Variants in PDE1A observed in about 807,000 individuals in gnomAD.
PDE1A encodes the protein dual specificity calcium/calmodulin-dependent 3',5'-cyclic nucleotide phosphodiesterase 1A.
Under a neutral mutation model 61.7 loss-of-function variants are expected in PDE1A, and 35 were observed. The ratio of observed to expected loss-of-function variants is 0.57; its 90% confidence interval spans 0.43 to 0.75. The LOEUF is 0.75. PDE1A is among the 30% of genes least tolerant of loss of function. The pLI is 0.00. For missense variants in PDE1A, 597 were observed against 630.6 expected (o/e 0.95, Z 0.57); for synonymous variants, 232 against 213.2 (o/e 1.09, Z -0.77).
At chr2:182,575,337 C>A in the PDE1A span, among the ~76,000 whole-genome samples, 1 of 151,946 alleles carries the variant, frequency 6.6e-6, no homozygotes, top group Non-Finnish European at 1.5e-5. Context: ...TACTGATAGT[C>A]TGGGTCAATC....
In PDE1A at chr2:182,486,242, A is replaced by C. The variant is rs1688015880; in HGVS notation, c.101+36034T>G. ...AGTGTAAAATTCTTAGCAATGGGTT[A>C]ATAAAAGAAGTGTAAAATTTGTACA... On this transcript the variant is annotated intron_variant, in intron 2 of 14. Coordinates refer to the PDE1A transcript ENST00000410103. Among the ~76,000 whole-genome samples the C allele has an allele frequency of 2.0e-5, 3 of 152,086 alleles. No individual in the cohort carries two copies. The South Asian group carries it at 6.2e-4, about 31-fold the overall frequency.
intron 1 of PDE1A, among the ~76,000 whole-genome samples, chr2:182,288,131 AT>A (rs1694288758): frequency 6.6e-6 from 1 of 152,184 alleles, no homozygotes; most frequent in Non-Finnish European, 1.5e-5. Context: ...CAAATGTGGA[AT>A]GAAGACTTCT....
At chr2:182,473,331 G>A (rs900996341) in intron 2 of PDE1A, among the ~76,000 whole-genome samples, 6 of 151,812 alleles carry the variant, frequency 4.0e-5, no homozygotes, top group Admixed American at 1.3e-4. Flanking sequence ...TACCATCAGA[G>A]TGAACAGGCA....
the PDE1A span, among the ~76,000 whole-genome samples, chr2:182,590,508 A>G: frequency 6.6e-6 from 1 of 152,170 alleles, no homozygotes; most frequent in African/African-American, 2.4e-5. Flanking sequence ...TATTAAAAAC[A>G]CTATAATGGT....
chr2:182,150,711 G>T (rs184637562), intron 13 of PDE1A, among the ~76,000 whole-genome samples: 1 of 152,288 alleles, frequency 6.6e-6, no homozygotes. Flanking sequence ...TCTTCAAGGA[G>T]CAGGGAGGGG....
the PDE1A span, among the ~76,000 whole-genome samples, chr2:182,645,972 A>G: frequency 6.6e-6 from 1 of 152,148 alleles, no homozygotes; most frequent in African/African-American, 2.4e-5. Flanking sequence ...TATCCTCCCC[A>G]TTTGGGGAAG....
At chr2:182,212,823 G>A (rs9711070) in intron 7 of PDE1A, among the ~76,000 whole-genome samples, 59,142 of 152,050 alleles carry the variant, frequency 0.39, 11,736 homozygotes, top group East Asian at 0.63. Context: ...ACTGCAAGGC[G>A]GCAGGGAGGC....
At chr2:182,505,859 A>G (rs933167042) in intron 2 of PDE1A, among the ~76,000 whole-genome samples, 3 of 152,242 alleles carry the variant, frequency 2.0e-5, no homozygotes, top group African/African-American at 7.2e-5. Flanking sequence ...ACAGTAAACA[A>G]CAACATGATA....
At chr2:182,206,113 A>G (rs1687080646) in intron 7 of PDE1A, 48 bp from the exon 8 acceptor site, 1 of 1,493,824 alleles carries the variant, frequency 6.7e-7, no homozygotes, top group South Asian at 1.2e-5. Flanking sequence ...TTTAGACATC[A>G]TGAATGTCTA....
the PDE1A span, among the ~76,000 whole-genome samples, chr2:182,640,556 A>AT: frequency 2.6e-5 from 4 of 152,202 alleles, no homozygotes; most frequent in Admixed American, 2.6e-4. Context: ...TACTAAAATG[A>AT]TTTTATTTTC....
chr2:182,210,044 C>G (rs184601004), intron 7 of PDE1A, among the ~76,000 whole-genome samples: 4,745 of 152,288 alleles, frequency 0.031, 246 homozygotes, highest in African/African-American at 0.11. Flanking sequence ...CAGTCACCTA[C>G]TGAAGGACAT....
the PDE1A span, among the ~76,000 whole-genome samples, chr2:182,687,557 G>A: frequency 5.0e-3 from 755 of 152,096 alleles, 7 homozygotes; most frequent in African/African-American, 0.017. Context: ...AAAGACCAAA[G>A]GTAGATAAAA....
In PDE1A at chr2:182,186,428, C is replaced by T. The variant is rs750860046; in HGVS notation, c.1328+40G>A. The T allele has an allele frequency of 7.5e-6, 12 of 1,600,804 alleles. No individual in the cohort carries two copies. In the Admixed American group the frequency reaches 8.8e-5, roughly 12 times the overall value. On this transcript the variant is annotated intron_variant, in intron 12 of 13. Transcript: ENST00000351439. The stretch of plus-strand genomic sequence containing the variant: ...CATTAAGGAAAGTGTTACTAAACAC[C>T]ACAAAGATGAAAAATAATGCAAAAA...
Position 182,465,756 on chromosome 2 carries a change from A to T in PDE1A, c.101+56520T>A, listed in dbSNP as rs74895875. On this transcript the variant is annotated intron_variant, in intron 2 of 14. Transcript: ENST00000410103. ...GGAAGATATTTCTTAATATCCCCCA[A>T]ATCACGATTATTACTTCATCTTTTA... Among the ~76,000 whole-genome samples, 3 of 152,034 alleles carry T rather than the reference A, an allele frequency of 2.0e-5. No individual in the cohort carries two copies. The East Asian group carries it at 5.8e-4, about 29-fold the overall frequency.
chr2:182,180,827 C>T (rs999878480), intron 13 of PDE1A, among the ~76,000 whole-genome samples: 2 of 151,686 alleles, frequency 1.3e-5, no homozygotes, highest in African/African-American at 2.4e-5. Context: ...TGCCTTATTT[C>T]AGCAAGATGG....
At chr2:182,348,701 A>C (rs1698673664) in intron 1 of PDE1A, among the ~76,000 whole-genome samples, 1 of 151,756 alleles carries the variant, frequency 6.6e-6, no homozygotes, top group African/African-American at 2.4e-5. Context: ...TTCTTAGTTC[A>C]TCTTAGCTCT....
chr2:182,315,672 A>G (rs1696291220), intron 1 of PDE1A, among the ~76,000 whole-genome samples: 1 of 152,178 alleles, frequency 6.6e-6, no homozygotes, highest in Non-Finnish European at 1.5e-5. Flanking sequence ...AAAAGATTAC[A>G]TATCTGGGAT....
intron 13 of PDE1A, among the ~76,000 whole-genome samples, chr2:182,171,671 G>A (rs982690127): frequency 6.6e-6 from 1 of 151,434 alleles, no homozygotes; most frequent in Non-Finnish European, 1.5e-5. Flanking sequence ...AATTATTGGG[G>A]GTATATAACA....
chr2:182,203,782 A>G (rs1686869634), intron 8 of PDE1A, among the ~76,000 whole-genome samples: 1 of 151,926 alleles, frequency 6.6e-6, no homozygotes, highest in Admixed American at 6.6e-5. Context: ...AGAAATAAAC[A>G]GATATGTAAA....
Sources: allele counts gnomAD v4.1 joint callset (sites outside exome capture counted in the v4.1 genomes callset), GRCh38; gene constraint gnomAD v4.1.1; transcripts MANE v1.5; gene names NCBI Gene and HGNC (gene_info 2026-07-23, HGNC 2026-07-21).